The following CRTAP variants were observed in gnomAD, a reference collection of about 807,000 sequenced individuals.
CRTAP encodes cartilage-associated protein.
A neutral mutation model predicts 42.7 loss-of-function variants in CRTAP; 33 were observed. The observed-to-expected ratio is 0.77, with a 90% confidence interval of 0.59 to 1.03. CRTAP has a LOEUF of 1.03. Among genes scored for constraint, CRTAP ranks in the 50% least tolerant of loss-of-function variants. CRTAP has a pLI of 0.00. For missense variants in CRTAP, 613 were observed against 533.9 expected, an observed-to-expected ratio of 1.15 and a Z score of -1.46; for synonymous variants, 243 against 217.7, an observed-to-expected ratio of 1.12 and a Z score of -1.02.
At position 33,134,256 on chromosome 3, in the gene CRTAP, T is replaced by C. The variant is rs762675128; in HGVS notation, c.1143T>C (p.Asp381=). The part of the protein sequence containing the change: ...LYDFAKENIM[D]DDEGEVVEYV... Reference sequence around the variant, plus strand: ...ACTTTGCTAAGGAAAATATAATGGATGATGATGAGGTAAGTTTTCATGCTT... The same window carrying C: ...ACTTTGCTAAGGAAAATATAATGGACGATGATGAGGTAAGTTTTCATGCTT... The change falls in exon 6 of 7, where the codon GAT becomes GAC. Residue 381 remains aspartate (D), a synonymous_variant. Transcript: ENST00000320954. 2 of 1,602,568 alleles carry C rather than the reference T, an allele frequency of 1.2e-6. No homozygotes were observed. Among genetic ancestry groups the C allele is most frequent in the South Asian group, 2.2e-5 (2 of 90,876 alleles).
At chr3:33,117,438 C>T (rs938707617) in intron 1 of CRTAP, among the ~76,000 whole-genome samples, 1 of 152,188 alleles carries the variant, frequency 6.6e-6, no homozygotes, top group African/African-American at 2.4e-5. Context: ...ATAGGTTTCT[C>T]GTCACCAGCC....
chr3:33,121,831 A>G (rs913587820), intron 2 of CRTAP, among the ~76,000 whole-genome samples: 10 of 152,012 alleles, frequency 6.6e-5, no homozygotes, highest in Non-Finnish European at 1.2e-4. Flanking sequence ...TTTGGGAGAT[A>G]TGATCTCTTG....
Position 33,142,882 on chromosome 3 carries a change from G to T in CRTAP, c.*434G>T, listed in dbSNP as rs967742285. ...TTGGCCAGGCTGGTCTCGAACTCTT[G>T]ACTTCAGATGATCCATCTGCCTTGG... On this transcript the variant is annotated 3_prime_UTR_variant, in exon 7 of 7. Transcript: ENST00000320954. The T allele has an allele frequency of 1.2e-4, 25 of 206,958 alleles. No homozygotes were observed. The highest frequency in any genetic ancestry group is 4.2e-4 in the Admixed American group (8 of 19,192). 12.8% of individuals were successfully genotyped at this position (206,958 alleles called of 1,614,324 possible).
At position 33,132,585 on chromosome 3, in the gene CRTAP, C is replaced by T. The variant is rs114178925; in HGVS notation, c.953C>T (p.Ala318Val). The change falls in exon 5 of 7, where the codon GCA becomes GTA. Residue 318 changes from alanine to valine, a missense_variant. Coordinates refer to ENST00000320954, the MANE Select transcript of CRTAP (RefSeq NM_006371.5). ...GACCTGAAGAATGCAGCCCCCTGTG[C>T]AGTCAGCTATCTGCTCTTTGATCAG... ...LNDLKNAAPC[A>V]VSYLLFDQND... 3.1e-5 allele frequency: 50 copies of T among 1,614,128 alleles called. No individual in the cohort carries two copies. Among genetic ancestry groups the T allele is most frequent in the African/African-American group, 5.3e-5 (4 of 75,050 alleles).
rs1199438483 is a variant in CRTAP, at chr3:33,147,032, A to T, written c.*4584A>T. 6.5e-6 allele frequency: 1 copy of T among 152,692 alleles called. No individual in the cohort carries two copies. Among genetic ancestry groups the T allele is most frequent in the Non-Finnish European group, 1.5e-5 (1 of 68,074 alleles). The allele number at this position is 152,692 out of a possible 1,614,324, so 9.5% of individuals were successfully genotyped here. On this transcript the variant is annotated 3_prime_UTR_variant, in exon 7 of 7. Coordinates refer to ENST00000320954, the MANE Select transcript of CRTAP (RefSeq NM_006371.5). Reference sequence around the variant, plus strand: ...GAGAAAAACCCACAACTAATCCTTCATCGCAGCTGTCTGAACTCTTGATCA... The same window carrying T: ...GAGAAAAACCCACAACTAATCCTTCTTCGCAGCTGTCTGAACTCTTGATCA...
At position 33,147,262 on chromosome 3, in the gene CRTAP, A is replaced by G. The variant is rs1470209178; in HGVS notation, c.*4814A>G. ...TGATCCCCATGCCTGTGCCCATGACATCTCCCTGAAAGAGGACACCATGAC... is the reference window on the plus strand; with the variant it reads ...TGATCCCCATGCCTGTGCCCATGACGTCTCCCTGAAAGAGGACACCATGAC... On this transcript the variant is annotated 3_prime_UTR_variant, in exon 7 of 7. Coordinates refer to ENST00000320954, the MANE Select transcript of CRTAP (RefSeq NM_006371.5). 4.6e-5 allele frequency: 7 copies of G among 152,736 alleles called. No individual in the cohort carries two copies. Among genetic ancestry groups the G allele is most frequent in the Admixed American group, 4.6e-4 (7 of 15,284 alleles). The allele number at this position is 152,736 out of a possible 1,614,324, so 9.5% of individuals were successfully genotyped here.
intron 2 of CRTAP, among the ~76,000 whole-genome samples, chr3:33,122,567 G>C (rs1352093683): frequency 6.6e-6 from 1 of 151,962 alleles, no homozygotes; most frequent in Non-Finnish European, 1.5e-5. Context: ...AAATTAGCCA[G>C]GCGTGGTGGC....
intron 2 of CRTAP, among the ~76,000 whole-genome samples, chr3:33,121,806 C>T (rs1368803608): frequency 6.6e-6 from 1 of 152,132 alleles, no homozygotes; most frequent in Non-Finnish European, 1.5e-5. Context: ...CTGCCACTCT[C>T]TGGTGAAGAG....
rs1390831608 is a variant in CRTAP at position 33,143,960 on chromosome 3, GA to G, written c.*1514del. 1.3e-5 allele frequency: 2 copies of G among 152,336 alleles called. No individual in the cohort carries two copies. The highest frequency in any genetic ancestry group is 4.8e-5 in the African/African-American group (2 of 41,430). 9.4% of individuals were successfully genotyped at this position (152,336 alleles called of 1,614,324 possible). On this transcript the variant is annotated 3_prime_UTR_variant, in exon 7 of 7. Coordinates refer to ENST00000320954, the MANE Select transcript of CRTAP (RefSeq NM_006371.5). ...CCTTGGCTTCTGCTAAGTGAGATGGGAACCACTGGAGGGTTTGAACAGAGGA... is the reference window on the plus strand; with the variant it reads ...CCTTGGCTTCTGCTAAGTGAGATGGGACCACTGGAGGGTTTGAACAGAGGA...
intron 6 of CRTAP, among the ~76,000 whole-genome samples, chr3:33,140,024 C>T (rs2030531928): frequency 2.0e-5 from 3 of 152,180 alleles, no homozygotes; most frequent in Admixed American, 2.0e-4. Flanking sequence ...CTTCTCTAAT[C>T]ATTTCCTTAG....
chr3:33,119,615 T>C (rs1352992103), intron 1 of CRTAP, among the ~76,000 whole-genome samples: 2 of 152,144 alleles, frequency 1.3e-5, no homozygotes, highest in African/African-American at 4.8e-5. Context: ...GTGGAGTCAT[T>C]GAGAATGTTA....
intron 6 of CRTAP, among the ~76,000 whole-genome samples, chr3:33,139,135 C>T (rs537631875): frequency 3.3e-5 from 5 of 151,886 alleles, no homozygotes; most frequent in African/African-American, 4.8e-5. Context: ...CACAGTGAGA[C>T]ACTGTCTAAA....
At chr3:33,118,981 C>A (rs888681169) in intron 1 of CRTAP, among the ~76,000 whole-genome samples, 3 of 152,192 alleles carry the variant, frequency 2.0e-5, no homozygotes, top group African/African-American at 7.2e-5. Flanking sequence ...TCCCTTTCTC[C>A]CTCTTCTTCT....
In CRTAP at chr3:33,135,424, C is replaced by T. The variant is rs576742052; in HGVS notation, c.1152+1159C>T. On this transcript the variant is annotated intron_variant, in intron 6 of 6. Transcript: ENST00000320954. ...AGGTGATTGCTTGAGACCAGGAGTT[C>T]AAGACCAGCCTGGGCAACATGGTAA... Among the ~76,000 whole-genome samples, 10 of 152,196 alleles carry T rather than the reference C, an allele frequency of 6.6e-5. No homozygotes were observed. In the South Asian group the frequency reaches 1.9e-3, roughly 28 times the overall value.
chr3:33,135,365 A>G (rs902697273), intron 6 of CRTAP, among the ~76,000 whole-genome samples: 23 of 152,196 alleles, frequency 1.5e-4, no homozygotes, highest in Non-Finnish European at 2.9e-4. Flanking sequence ...GTAGTGGCTC[A>G]CACCTGTGAT....
At chr3:33,134,088 C>A in intron 5 of CRTAP, 94 bp from the exon 6 acceptor site, 2 of 844,934 alleles carry the variant, frequency 2.4e-6, no homozygotes, top group Non-Finnish European at 4.1e-6. Flanking sequence ...ATTTTCATCA[C>A]CTTAGAAAAA....
chr3:33,137,226 C>T (rs766163723), intron 6 of CRTAP, among the ~76,000 whole-genome samples: 20 of 152,026 alleles, frequency 1.3e-4, no homozygotes, highest in African/African-American at 4.1e-4. Context: ...CTGCAACCTC[C>T]GCCTCCCAGG....
At chr3:33,115,005 G>T (rs919307729) in intron 1 of CRTAP, among the ~76,000 whole-genome samples, 1 of 152,102 alleles carries the variant, frequency 6.6e-6, no homozygotes, top group Non-Finnish European at 1.5e-5. Context: ...GTGCAGAGGC[G>T]CTATCATGGC....
intron 6 of CRTAP, among the ~76,000 whole-genome samples, chr3:33,139,847 C>T (rs1039051638): frequency 6.6e-6 from 1 of 152,184 alleles, no homozygotes; most frequent in South Asian, 2.1e-4. Context: ...GAGATGGTCA[C>T]ATGATTTTTG....
Sources: gnomAD v4.1 joint callset for allele counts (sites outside exome capture counted in the v4.1 genomes callset) on GRCh38, gnomAD v4.1.1 for gene constraint, MANE v1.5 for transcripts, NCBI Gene and HGNC (gene_info 2026-07-23, HGNC 2026-07-21) for gene names.